Variants in ITGBL1 observed in about 807,000 individuals in gnomAD.
The protein encoded by ITGBL1 is integrin subunit beta like 1.
In ITGBL1, 51 loss-of-function variants were observed where a neutral mutation model predicts 68.5. The ratio of observed to expected loss-of-function variants is 0.74; its 90% CI spans 0.59 to 0.94. ITGBL1 has a LOEUF of 0.94. Among genes scored for constraint, ITGBL1 ranks in the 40% least tolerant of loss-of-function variants. The pLI, the probability that ITGBL1 is intolerant of heterozygous loss-of-function variation, is 0.00. For synonymous variants in ITGBL1, 209 were observed against 227.3 expected (o/e 0.92, Z 0.72); for missense variants, 649 against 647.4 (o/e 1.00, Z -0.03).
At chr13:101,571,174 C>T (rs2050265886) in intron 3 of ITGBL1, among the ~76,000 whole-genome samples, 1 of 152,056 alleles carries the variant, frequency 6.6e-6, no homozygotes, top group African/African-American at 2.4e-5. Context: ...CCCTGGCTCC[C>T]AATACCACCA....
chr13:101,571,034 C>T (rs1406615548), intron 3 of ITGBL1, among the ~76,000 whole-genome samples: 1 of 152,076 alleles, frequency 6.6e-6, no homozygotes, highest in Non-Finnish European at 1.5e-5. Context: ...TATGCATGTA[C>T]ACATACACAT....
At chr13:101,589,271 C>T (rs552473245) in intron 6 of ITGBL1, among the ~76,000 whole-genome samples, 1 of 152,270 alleles carries the variant, frequency 6.6e-6, no homozygotes, top group South Asian at 2.1e-4. Context: ...TTTATGCTTG[C>T]TTCTTCTATG....
intron 6 of ITGBL1, among the ~76,000 whole-genome samples, chr13:101,585,509 C>T (rs753872787): frequency 2.6e-5 from 4 of 152,262 alleles, no homozygotes; most frequent in South Asian, 2.1e-4. Flanking sequence ...CAGCTCACTG[C>T]GAGCTCCACC....
At chr13:101,562,193 TA>T (rs1392784901) in intron 2 of ITGBL1, among the ~76,000 whole-genome samples, 1 of 151,928 alleles carries the variant, frequency 6.6e-6, no homozygotes, top group Non-Finnish European at 1.5e-5. Context: ...GGACAACCAC[TA>T]AAAATCAAAG....
At chr13:101,523,834 A>G (rs1294458310) in intron 2 of ITGBL1, among the ~76,000 whole-genome samples, 1 of 152,214 alleles carries the variant, frequency 6.6e-6, no homozygotes, top group Non-Finnish European at 1.5e-5. Context: ...TGTCACTTCC[A>G]GTGATTCAGG....
chr13:101,565,400 C>A (rs750608708), intron 2 of ITGBL1, among the ~76,000 whole-genome samples: 3 of 152,040 alleles, frequency 2.0e-5, no homozygotes, highest in Non-Finnish European at 4.4e-5. Flanking sequence ...AAATCAATTC[C>A]TATTCAATGA....
At chr13:101,648,373 A>T (rs900154042) in intron 7 of ITGBL1, among the ~76,000 whole-genome samples, 3 of 152,350 alleles carry the variant, frequency 2.0e-5, no homozygotes, top group African/African-American at 7.2e-5. Flanking sequence ...AGTAACTAAG[A>T]TCGAGAACTC....
intron 7 of ITGBL1, among the ~76,000 whole-genome samples, chr13:101,661,036 G>A (rs1295981084): frequency 6.6e-6 from 1 of 151,824 alleles, no homozygotes; most frequent in Non-Finnish European, 1.5e-5. Flanking sequence ...CAGGACTAAG[G>A]AAACAACAAC....
At chr13:101,653,100 C>T (rs1898201) in intron 7 of ITGBL1, among the ~76,000 whole-genome samples, 44,311 of 136,744 alleles carry the variant, frequency 0.32, 6,821 homozygotes, top group Non-Finnish European at 0.37. Flanking sequence ...GAGAAAGAAA[C>T]AAAGAAAGAA....
intron 7 of ITGBL1, among the ~76,000 whole-genome samples, chr13:101,677,132 T>G (rs2033524697): frequency 6.6e-6 from 1 of 152,024 alleles, no homozygotes; most frequent in African/African-American, 2.4e-5. Context: ...TCTAAATATA[T>G]AAATACATAA....
At chr13:101,554,533 C>A (rs1421444774) in intron 2 of ITGBL1, among the ~76,000 whole-genome samples, 1 of 152,236 alleles carries the variant, frequency 6.6e-6, no homozygotes, top group African/African-American at 2.4e-5. Context: ...CAGCAACCTT[C>A]CTTTGAAGCA....
At chr13:101,467,391 C>A (rs949646126) in intron 2 of ITGBL1, among the ~76,000 whole-genome samples, 2 of 152,116 alleles carry the variant, frequency 1.3e-5, no homozygotes, top group Admixed American at 1.3e-4. Flanking sequence ...CTGAGAGTAT[C>A]AGGGGAATTT....
intron 9 of ITGBL1, chr13:101,711,910 G>A (rs1030542524): frequency 6.6e-6 from 1 of 152,274 alleles, no homozygotes; most frequent in Non-Finnish European, 1.5e-5. Context: ...GCTGTTCTCT[G>A]GCTAGGCTGG....
chr13:101,494,000 C>T (rs1290523230), intron 2 of ITGBL1, among the ~76,000 whole-genome samples: 1 of 152,200 alleles, frequency 6.6e-6, no homozygotes, highest in Non-Finnish European at 1.5e-5. Context: ...TTTGTCCTTT[C>T]AATATCATTT....
chr13:101,550,260 G>A lies in ITGBL1; in HGVS notation c.317-17439G>A, dbSNP rs2049898911. 2.0e-5 allele frequency among the ~76,000 whole-genome samples: 3 copies of A among 152,040 alleles called. No individual in the cohort carries two copies. The South Asian group carries it at 6.2e-4, about 32-fold the overall frequency. ...GAGAACAGCCTGGGAAGACAGACATGGTGCCTGCCTCTGGAGAAAAAGAGT... is the reference window on the plus strand; with the variant it reads ...GAGAACAGCCTGGGAAGACAGACATAGTGCCTGCCTCTGGAGAAAAAGAGT... On this transcript the variant is annotated intron_variant, in intron 2 of 10. Transcript: ENST00000376180.
At chr13:101,529,360 G>A (rs1446294767) in intron 2 of ITGBL1, among the ~76,000 whole-genome samples, 4 of 152,034 alleles carry the variant, frequency 2.6e-5, no homozygotes, top group Non-Finnish European at 1.5e-5. Flanking sequence ...TTCAAACTAC[G>A]TGTTGAAACA....
intron 7 of ITGBL1, among the ~76,000 whole-genome samples, chr13:101,647,212 T>A (rs976156339): frequency 1.8e-4 from 27 of 152,180 alleles, no homozygotes. Flanking sequence ...TTTAGACTTC[T>A]GTTTACCACA....
intron 2 of ITGBL1, among the ~76,000 whole-genome samples, chr13:101,543,664 G>A (rs12867053): frequency 0.098 from 14,972 of 152,136 alleles, 1,169 homozygotes; most frequent in African/African-American, 0.21. Context: ...TTCCAACTTG[G>A]TTCCATTCTC....
chr13:101,657,653 G>A (rs1395280925), intron 7 of ITGBL1, among the ~76,000 whole-genome samples: 4 of 152,172 alleles, frequency 2.6e-5, no homozygotes, highest in African/African-American at 7.2e-5. Context: ...TGTTGAAACT[G>A]GACTTCATAT....
Sources: allele counts gnomAD v4.1 joint callset (sites outside exome capture counted in the v4.1 genomes callset), GRCh38; gene constraint gnomAD v4.1.1; transcripts MANE v1.5; gene names NCBI Gene and HGNC (gene_info 2026-07-23, HGNC 2026-07-21).